GNG4: variants seen among roughly 807,000 people sequenced by gnomAD.
GNG4 encodes the protein guanine nucleotide-binding protein G(I)/G(S)/G(O) subunit gamma-4.
A neutral mutation model predicts 5.8 loss-of-function variants in GNG4; 4 were observed. That is an observed-to-expected ratio of 0.69 (90% CI 0.34 to 1.57). GNG4 has a LOEUF of 1.57. Ranked by LOEUF, GNG4 falls within the 40% of genes most tolerant of loss-of-function variation. The probability of loss-of-function intolerance (pLI) is 0.06; values close to 1 mark genes in which losing one functional copy is unlikely to be tolerated. For synonymous variants in GNG4, 29 were observed against 32.9 expected (o/e 0.88, Z 0.41); for missense variants, 96 against 95.1 (o/e 1.01, Z -0.04).
intron 3 of GNG4, among the ~76,000 whole-genome samples, chr1:235,571,754 C>T (rs1687349700): frequency 1.3e-5 from 2 of 152,152 alleles, no homozygotes; most frequent in African/African-American, 4.8e-5. Flanking sequence ...ATGGTCTATC[C>T]TATTACACAA....
In GNG4 at chr1:235,548,396, C is replaced by A. The variant is rs1161719367; in HGVS notation, c.*3713G>T. On this transcript the variant is annotated 3_prime_UTR_variant, in exon 4 of 4. Transcript: ENST00000391854. Reference sequence around the variant, plus strand: ...AATGACATTCCCAGGACGCTGCCATCCCTGGACATTGCTACCAGTGGACAC... The same window carrying A: ...AATGACATTCCCAGGACGCTGCCATACCTGGACATTGCTACCAGTGGACAC... The A allele has an allele frequency of 6.6e-6, 1 of 152,280 alleles. No individual in the cohort carries two copies. The highest frequency in any genetic ancestry group is 2.4e-5 in the African/African-American group (1 of 41,400). The allele number at this position is 152,280 out of a possible 1,614,324, so 9.4% of individuals were successfully genotyped here. A position where few individuals can be genotyped will look rare whatever the true frequency, so the allele number is the denominator to read the frequency against.
chr1:235,618,113 T>C (rs1688635894), intron 1 of GNG4, among the ~76,000 whole-genome samples: 1 of 152,100 alleles, frequency 6.6e-6, no homozygotes, highest in South Asian at 2.1e-4. Flanking sequence ...ATGGAATCAG[T>C]GCAAGCAAAA....
intron 1 of GNG4, among the ~76,000 whole-genome samples, chr1:235,605,832 G>A (rs1394399285): frequency 6.6e-6 from 1 of 152,076 alleles, no homozygotes; most frequent in Admixed American, 6.6e-5. Flanking sequence ...ACCAGGAAGG[G>A]CCTTGAGTGC....
At chr1:235,568,361 C>T (rs1687252545) in intron 3 of GNG4, among the ~76,000 whole-genome samples, 1 of 152,022 alleles carries the variant, frequency 6.6e-6, no homozygotes, top group Admixed American at 6.6e-5. Context: ...ACCCTCAGCC[C>T]CTGCTCGGGA....
intron 2 of GNG4, among the ~76,000 whole-genome samples, chr1:235,587,646 G>A (rs148159771): frequency 1.7e-4 from 20 of 119,476 alleles, no homozygotes; most frequent in South Asian, 3.0e-4. Context: ...TGTGAGTGTG[G>A]GAGGGTGTTG....
chr1:235,580,265 G>A (rs185534778), intron 3 of GNG4, among the ~76,000 whole-genome samples: 130 of 152,332 alleles, frequency 8.5e-4, no homozygotes, highest in Non-Finnish European at 5.0e-4. Flanking sequence ...TGGGCAGGGC[G>A]AATGGGGAGT....
Position 235,648,850 on chromosome 1 carries a change from T to C in GNG4, c.-123+812A>G, listed in dbSNP as rs1657583589. Among the ~76,000 whole-genome samples, 1 of 152,178 alleles carries C rather than the reference T, an allele frequency of 6.6e-6. No homozygotes were observed. Among genetic ancestry groups the C allele is most frequent in the South Asian group, 2.1e-4 (1 of 4,830 alleles). ...GTCCATCATCCACTTTATTACTTGA[T>C]CAAACTTTAACATTTTCGGGTTTCC... On this transcript the variant is annotated intron_variant, in intron 1 of 3. Coordinates refer to ENST00000391854, the MANE Select transcript of GNG4 (RefSeq NM_001098722.2). The surrounding 1 kb of genome is among the most constrained non-coding windows in gnomAD (Gnocchi z 5.0).
chr1:235,561,570 T>C (rs968014663), intron 3 of GNG4, among the ~76,000 whole-genome samples: 11 of 152,066 alleles, frequency 7.2e-5, no homozygotes, highest in Non-Finnish European at 1.6e-4. Context: ...AATTTTTGTA[T>C]TTTTAGTAGA....
rs1217086507 is a variant in GNG4 at position 235,642,155 on chromosome 1, C to T, written c.-123+7507G>A. On this transcript the variant is annotated intron_variant, in intron 1 of 3. Transcript: ENST00000391854. This position sits in a 1 kb window ranked among gnomAD's most constrained non-coding sequence, Gnocchi z 4.3. ...CGCAGGGGCATTTCACAGCTAACCA[C>T]AGCGGTCCGAGGCGAACGCAGGGTG... Among the ~76,000 whole-genome samples, 1 of 152,142 alleles carries T rather than the reference C, an allele frequency of 6.6e-6. No homozygotes were observed. The highest frequency in any genetic ancestry group is 2.4e-5 in the African/African-American group (1 of 41,408).
At chr1:235,628,577 C>T (rs962658268) in intron 1 of GNG4, among the ~76,000 whole-genome samples, 4 of 152,164 alleles carry the variant, frequency 2.6e-5, no homozygotes, top group Non-Finnish European at 2.9e-5. Context: ...TGGTGTCCTA[C>T]GGGTCACCCA....
At chr1:235,576,585 C>G (rs1490469953) in intron 3 of GNG4, among the ~76,000 whole-genome samples, 1 of 152,084 alleles carries the variant, frequency 6.6e-6, no homozygotes, top group Admixed American at 6.6e-5. Context: ...CTCATGCCTG[C>G]GACAACCTGG....
At position 235,578,996 on chromosome 1, in the gene GNG4, C is replaced by T. The variant is rs1406299171; in HGVS notation, c.99+4744G>A. On this transcript the variant is annotated intron_variant, in intron 3 of 3. Coordinates refer to ENST00000391854, the MANE Select transcript of GNG4 (RefSeq NM_001098722.2). The stretch of plus-strand genomic sequence containing the variant: ...CTTGTAATCCCAGCTACTTGGGAGG[C>T]TGAGGCAGAAGAATTGCTTGAACCC... 2.6e-5 allele frequency among the ~76,000 whole-genome samples: 4 copies of T among 151,326 alleles called. No homozygotes were observed. In the East Asian group the frequency reaches 7.8e-4, roughly 29 times the overall value.
intron 1 of GNG4, among the ~76,000 whole-genome samples, chr1:235,633,259 T>C (rs1688970390): frequency 1.3e-5 from 2 of 152,268 alleles, no homozygotes; most frequent in African/African-American, 2.4e-5. Context: ...GCTGGTGGTA[T>C]GAATGGCAGG....
In GNG4 at chr1:235,633,945, C is replaced by T. The variant is rs78426201; in HGVS notation, c.-123+15717G>A. ...AAGCAAATAGGGAAGGATAAAAAGA[C>T]GAGAATCCAAATGTGAGAAGCAGAA... On this transcript the variant is annotated intron_variant, in intron 1 of 3. Transcript: ENST00000391854. Among the ~76,000 whole-genome samples, 27 of 152,220 alleles carry T rather than the reference C, an allele frequency of 1.8e-4. 1 individual carries two copies. Among genetic ancestry groups the T allele is most frequent in the African/African-American group, 6.0e-4 (25 of 41,530 alleles).
chr1:235,562,467 C>T lies in GNG4; in HGVS notation c.100-10230G>A, dbSNP rs138449612. Among the ~76,000 whole-genome samples, 277 of 151,470 alleles carry T rather than the reference C, an allele frequency of 1.8e-3. 1 individual carries two copies. Among genetic ancestry groups the T allele is most frequent in the Middle Eastern group, 6.8e-3 (2 of 294 alleles). On this transcript the variant is annotated intron_variant, in intron 3 of 3. Transcript: ENST00000391854. ...TTCAAGACCAGCCTGGCCAATATGG[C>T]GAAACCCCATCTCTACTAAAAATAC...
intron 1 of GNG4, among the ~76,000 whole-genome samples, chr1:235,618,590 C>T (rs1224971290): frequency 1.3e-5 from 2 of 152,056 alleles, no homozygotes; most frequent in Non-Finnish European, 2.9e-5. Context: ...GCTGTGTTCA[C>T]AAACTGATTC....
intron 3 of GNG4, among the ~76,000 whole-genome samples, chr1:235,571,494 T>C (rs1175107029): frequency 6.6e-6 from 1 of 152,240 alleles, no homozygotes; most frequent in Non-Finnish European, 1.5e-5. Context: ...TTGGCCGCTA[T>C]TATTATCATC....
chr1:235,577,023 C>T (rs1687499575), intron 3 of GNG4, among the ~76,000 whole-genome samples: 1 of 152,194 alleles, frequency 6.6e-6, no homozygotes, highest in Non-Finnish European at 1.5e-5. Flanking sequence ...CTGCTTAATG[C>T]AGTTATATTT....
At chr1:235,628,647 C>G (rs1332503076) in intron 1 of GNG4, among the ~76,000 whole-genome samples, 1 of 152,150 alleles carries the variant, frequency 6.6e-6, no homozygotes, top group East Asian at 1.9e-4. Context: ...CCCAAGCAGG[C>G]CAAACAGGCA....
Sources: gnomAD v4.1 joint callset for allele counts (sites outside exome capture counted in the v4.1 genomes callset) on GRCh38, gnomAD v4.1.1 for gene constraint, Gnocchi (gnomAD v3.1) non-coding constraint, MANE v1.5 for transcripts, NCBI Gene and HGNC (gene_info 2026-07-23, HGNC 2026-07-21) for gene names.